PRPSAP2: variants seen among roughly 807,000 people sequenced by gnomAD.
The protein encoded by PRPSAP2 is phosphoribosyl pyrophosphate synthase-associated protein 2.
A neutral mutation model predicts 40.6 loss-of-function variants in PRPSAP2; 24 were observed. The observed-to-expected ratio is 0.59, with a 90% CI of 0.43 to 0.83. PRPSAP2 has a LOEUF of 0.83. Among genes scored for constraint, PRPSAP2 ranks in the 40% least tolerant of loss-of-function variants. PRPSAP2 has a pLI of 0.00. For missense variants in PRPSAP2, 292 were observed against 465.6 expected (o/e 0.63, Z 3.43); for synonymous variants, 149 against 164.7 (o/e 0.90, Z 0.73).
chr17:18,879,624 T>G (rs1339448685), intron 6 of PRPSAP2, among the ~76,000 whole-genome samples: 2 of 151,982 alleles, frequency 1.3e-5, no homozygotes, highest in African/African-American at 4.8e-5. Context: ...TGGCTAATTT[T>G]TGTATTTTTA....
chr17:18,877,827 C>T lies in PRPSAP2; in HGVS notation c.369C>T (p.Gly123=). ...YSKQCKMRKR[G]SIVSKLLASM... is the part of the protein sequence containing the mutation. ...AGCAGTGCAAGATGAGAAAAAGAGG[C>T]TCCATTGTCTCTAAATTGCTGGCTT... The change falls in exon 6 of 12, where the codon GGC becomes GGT. Residue 123 remains glycine (G), a synonymous_variant. Coordinates refer to ENST00000268835, the MANE Select transcript of PRPSAP2 (RefSeq NM_002767.4). 1 of 1,613,218 alleles carries T rather than the reference C, an allele frequency of 6.2e-7. No homozygotes were observed. The highest frequency in any genetic ancestry group is 8.5e-7 in the Non-Finnish European group (1 of 1,179,654).
chr17:18,905,722 A>G (rs2040546425), intron 8 of PRPSAP2, among the ~76,000 whole-genome samples: 1 of 151,828 alleles, frequency 6.6e-6, no homozygotes, highest in Non-Finnish European at 1.5e-5. Context: ...TGGGGATTAC[A>G]GGCATGTGCC....
rs953553726 is a variant in PRPSAP2 at position 18,878,127 on chromosome 17, G to A, written c.412+257G>A. On this transcript the variant is annotated intron_variant, in intron 6 of 11. Transcript: ENST00000268835. Reference sequence around the variant, plus strand: ...TACTGGGTCTTACTATGTTGTTCAGGCTGGTTTTGAACTGCTGGCCTCAAG... The same window carrying A: ...TACTGGGTCTTACTATGTTGTTCAGACTGGTTTTGAACTGCTGGCCTCAAG... Among the ~76,000 whole-genome samples the A allele has an allele frequency of 2.4e-4, 37 of 152,254 alleles. 1 individual carries two copies. Among genetic ancestry groups the A allele is most frequent in the Admixed American group, 2.0e-3 (31 of 15,284 alleles).
At chr17:18,857,619 A>G (rs919939647), upstream of PRPSAP2, among the ~76,000 whole-genome samples, 7 of 146,840 alleles carry the variant, frequency 4.8e-5, no homozygotes, top group African/African-American at 1.5e-4. Flanking sequence ...TGGGGGTTTC[A>G]CCATGTTGGT....
At chr17:18,866,559 A>T (rs1357757975) in intron 3 of PRPSAP2, among the ~76,000 whole-genome samples, 2 of 152,174 alleles carry the variant, frequency 1.3e-5, no homozygotes, top group African/African-American at 2.4e-5. Context: ...ACTCTGTCTC[A>T]AAAAAAGAAC....
chr17:18,895,564 C>T (rs2039863642), intron 8 of PRPSAP2, among the ~76,000 whole-genome samples: 1 of 150,030 alleles, frequency 6.7e-6, no homozygotes, highest in South Asian at 2.1e-4. Context: ...TGTGTATGGG[C>T]CATGTTTTTC....
intron 5 of PRPSAP2, among the ~76,000 whole-genome samples, chr17:18,873,826 A>G (rs1267672493): frequency 1.4e-4 from 22 of 152,136 alleles, no homozygotes; most frequent in Admixed American, 1.4e-3. Flanking sequence ...TAAGCTAGGT[A>G]TAGAAGATTC....
intron 4 of PRPSAP2, among the ~76,000 whole-genome samples, chr17:18,869,341 CTTT>C (rs545524445): frequency 2.8e-5 from 4 of 140,366 alleles, no homozygotes; most frequent in Admixed American, 7.2e-5. Context: ...CTTTTCTTTT[CTTT>C]TTTTTTTTTT....
At chr17:18,921,860 T>A (rs2041705934) in intron 9 of PRPSAP2, among the ~76,000 whole-genome samples, 2 of 152,216 alleles carry the variant, frequency 1.3e-5, no homozygotes, top group African/African-American at 4.8e-5. Context: ...TTAACCATTT[T>A]AAAGTATAAA....
chr17:18,909,383 A>T (rs1349109894), intron 8 of PRPSAP2, among the ~76,000 whole-genome samples: 1 of 151,846 alleles, frequency 6.6e-6, no homozygotes, highest in Non-Finnish European at 1.5e-5. Context: ...CTGGGATTAC[A>T]GGTGCCTGCC....
chr17:18,892,745 A>ATTTATTTATTTAT (rs57347460), intron 8 of PRPSAP2, among the ~76,000 whole-genome samples: 71 of 125,766 alleles, frequency 5.6e-4, no homozygotes, highest in East Asian at 1.4e-3. Context: ...TTATTTATTT[A>ATTTATTTATTTAT]TTTTTTTGAG....
intron 9 of PRPSAP2, among the ~76,000 whole-genome samples, chr17:18,919,100 G>A (rs72836735): frequency 0.065 from 9,861 of 152,160 alleles, 446 homozygotes; most frequent in Non-Finnish European, 0.094. Flanking sequence ...GTACTTTGGC[G>A]CACTCCTTTA....
intron 8 of PRPSAP2, among the ~76,000 whole-genome samples, chr17:18,893,053 AT>A (rs2039674115): frequency 6.6e-6 from 1 of 151,410 alleles, no homozygotes; most frequent in Admixed American, 6.6e-5. Flanking sequence ...TAGATACATG[AT>A]TTGCAGATAT....
chr17:18,902,565 T>C (rs1386815594), intron 8 of PRPSAP2, among the ~76,000 whole-genome samples: 1 of 151,842 alleles, frequency 6.6e-6, no homozygotes, highest in East Asian at 1.9e-4. Context: ...GGGACTTGAG[T>C]GTTGGCCAAA....
In PRPSAP2 at chr17:18,911,609, A is replaced by G. The variant is rs970894282; in HGVS notation, c.733+358A>G. Among the ~76,000 whole-genome samples the G allele has an allele frequency of 1.2e-4, 18 of 152,154 alleles. No homozygotes were observed. Among genetic ancestry groups the G allele is most frequent in the African/African-American group, 3.6e-4 (15 of 41,436 alleles). On this transcript the variant is annotated intron_variant, in intron 9 of 11. Transcript: ENST00000268835. This position sits in a 1 kb window ranked among gnomAD's most constrained non-coding sequence, Gnocchi z 4.5. ...TGACTGTGATGTTGTTTTTAATGCA[A>G]AATATTAGAAAGGTTTAAATGGTTT...
chr17:18,873,679 T>C (rs1336937378), intron 5 of PRPSAP2, among the ~76,000 whole-genome samples: 1 of 152,152 alleles, frequency 6.6e-6, no homozygotes, highest in Non-Finnish European at 1.5e-5. Flanking sequence ...TTATTGCATA[T>C]AAAAGTGATC....
chr17:18,914,817 C>T (rs899712793), intron 9 of PRPSAP2, among the ~76,000 whole-genome samples: 2 of 151,652 alleles, frequency 1.3e-5, no homozygotes, highest in Admixed American at 1.3e-4. Context: ...CTCCAGCTCC[C>T]GGGTTCAAGC....
At chr17:18,897,459 T>TTGTTGG (rs2039980859) in intron 8 of PRPSAP2, among the ~76,000 whole-genome samples, 1 of 151,920 alleles carries the variant, frequency 6.6e-6, no homozygotes, top group African/African-American at 2.4e-5. Context: ...AGTGGTGTTG[T>TTGTTGG]TGTTGTTGTT....
chr17:18,885,029 T>C (rs373396025), intron 7 of PRPSAP2, among the ~76,000 whole-genome samples: 4 of 152,248 alleles, frequency 2.6e-5, no homozygotes, highest in African/African-American at 9.6e-5. Context: ...ACGCTAGTCA[T>C]TGCCTGTAGT....
Sources: allele counts gnomAD v4.1 joint callset (sites outside exome capture counted in the v4.1 genomes callset), GRCh38; gene constraint gnomAD v4.1.1; non-coding constraint Gnocchi (gnomAD v3.1); transcripts MANE v1.5; gene names NCBI Gene and HGNC (gene_info 2026-07-23, HGNC 2026-07-21).